ADAM12: variants seen among roughly 807,000 people sequenced by gnomAD.
The protein encoded by ADAM12 is disintegrin and metalloproteinase domain-containing protein 12.
Under a neutral mutation model 106.4 loss-of-function variants are expected in ADAM12, and 70 were observed. The observed-to-expected ratio is 0.66, with a 90% CI of 0.54 to 0.80. The LOEUF (loss-of-function observed/expected upper bound fraction) is 0.80, where lower values mean the gene tolerates loss of function less well. Among genes scored for constraint, ADAM12 ranks in the 30% least tolerant of loss-of-function variants. ADAM12 has a pLI of 0.00. For missense variants in ADAM12, 1,010 were observed against 1,171.9 expected (o/e 0.86, Z 2.02); for synonymous variants, 420 against 433.5 (o/e 0.97, Z 0.39).
intron 1 of ADAM12, among the ~76,000 whole-genome samples, chr10:126,356,831 G>T (rs1475288186): frequency 1.3e-5 from 2 of 152,042 alleles, no homozygotes; most frequent in Non-Finnish European, 2.9e-5. Flanking sequence ...GAATACAATG[G>T]CTAAACTTTA....
chr10:126,371,063 T>C (rs187652158), intron 1 of ADAM12, among the ~76,000 whole-genome samples: 2 of 152,356 alleles, frequency 1.3e-5, no homozygotes, highest in East Asian at 3.9e-4. Flanking sequence ...GTGCAGTAAT[T>C]CATGTGCATA....
intron 4 of ADAM12, among the ~76,000 whole-genome samples, chr10:126,143,614 GGGGTGCGT>G (rs1028280630): frequency 2.1e-5 from 2 of 94,808 alleles, no homozygotes; most frequent in African/African-American, 6.2e-5. Flanking sequence ...TATGTATATG[GGGGTGCGT>G]GGGTGTGTGT....
intron 3 of ADAM12, among the ~76,000 whole-genome samples, chr10:126,265,799 A>T (rs1959086015): frequency 6.6e-6 from 1 of 152,208 alleles, no homozygotes; most frequent in East Asian, 1.9e-4. Flanking sequence ...TAGGGAACCT[A>T]TATATTAAAA....
intron 12 of ADAM12, among the ~76,000 whole-genome samples, chr10:126,071,192 T>A (rs116818476): frequency 1.4e-5 from 2 of 145,046 alleles, no homozygotes; most frequent in African/African-American, 5.0e-5. Flanking sequence ...AACTCAAAGC[T>A]AAACACTTTT....
At chr10:126,203,342 G>A (rs1395394170) in intron 3 of ADAM12, among the ~76,000 whole-genome samples, 1 of 152,180 alleles carries the variant, frequency 6.6e-6, no homozygotes, top group African/African-American at 2.4e-5. Context: ...TGAAGGAGAA[G>A]AAATAGCTTG....
chr10:126,035,774 A>G (rs547785037), intron 21 of ADAM12, among the ~76,000 whole-genome samples: 1 of 152,340 alleles, frequency 6.6e-6, no homozygotes, highest in African/African-American at 2.4e-5. Flanking sequence ...ATGAGAGAGT[A>G]TAACTGATGC....
chr10:126,143,028 G>GTA (rs988332416), intron 4 of ADAM12, among the ~76,000 whole-genome samples: 17 of 137,344 alleles, frequency 1.2e-4, no homozygotes, highest in African/African-American at 3.4e-4. Context: ...ATATGCATTT[G>GTA]TATATATATG....
intron 3 of ADAM12, among the ~76,000 whole-genome samples, chr10:126,165,618 T>G (rs187068781): frequency 6.6e-6 from 1 of 152,292 alleles, no homozygotes; most frequent in East Asian, 1.9e-4. Context: ...TAAACTTGAC[T>G]CTATTTAGCT....
At chr10:126,042,278 T>C (rs768839330) in intron 18 of ADAM12, 12 of 1,606,848 alleles carry the variant, frequency 7.5e-6, no homozygotes, top group Middle Eastern at 1.7e-4. Flanking sequence ...GCCCCTGAAT[T>C]GCCCAATAAG....
chr10:126,387,763 C>A (rs1012044787), intron 1 of ADAM12, among the ~76,000 whole-genome samples: 7 of 152,116 alleles, frequency 4.6e-5, no homozygotes, highest in Admixed American at 1.3e-4. Context: ...GATACAGAGA[C>A]ATCTGCAAAT....
intron 5 of ADAM12, among the ~76,000 whole-genome samples, chr10:126,132,480 C>G (rs1956323021): frequency 6.6e-6 from 1 of 151,602 alleles, no homozygotes; most frequent in Non-Finnish European, 1.5e-5. Flanking sequence ...TCTACAGGAG[C>G]TGCAAAGCTT....
At chr10:126,082,389 T>TTTTTTTTTG (rs1955243572) in intron 11 of ADAM12, among the ~76,000 whole-genome samples, 1 of 146,952 alleles carries the variant, frequency 6.8e-6, no homozygotes, top group Non-Finnish European at 1.5e-5. Context: ...TTTTTTTTTA[T>TTTTTTTTTG]GTGGAGTTTC....
intron 3 of ADAM12, among the ~76,000 whole-genome samples, chr10:126,178,291 T>C (rs1337987892): frequency 6.6e-6 from 1 of 152,064 alleles, no homozygotes; most frequent in Non-Finnish European, 1.5e-5. Flanking sequence ...GTTCTTCAAG[T>C]CACATTTTTT....
At chr10:126,238,640 C>A (rs1211354987) in intron 3 of ADAM12, among the ~76,000 whole-genome samples, 2 of 151,992 alleles carry the variant, frequency 1.3e-5, no homozygotes, top group Non-Finnish European at 1.5e-5. Flanking sequence ...AGTTGTATGT[C>A]AAAAAACATA....
At chr10:126,178,083 G>T (rs1430804359) in intron 3 of ADAM12, among the ~76,000 whole-genome samples, 1 of 152,114 alleles carries the variant, frequency 6.6e-6, no homozygotes, top group Non-Finnish European at 1.5e-5. Flanking sequence ...TTGTTGATGT[G>T]AAAATGGCTG....
chr10:126,339,871 T>TTC (rs1854860033), intron 1 of ADAM12, among the ~76,000 whole-genome samples: 2 of 137,058 alleles, frequency 1.5e-5, no homozygotes, highest in South Asian at 4.7e-4. Context: ...TTTTTTTTTT[T>TTC]TGAGACAGAG....
At chr10:126,099,404 C>G (rs73378615) in intron 9 of ADAM12, among the ~76,000 whole-genome samples, 3 of 150,938 alleles carry the variant, frequency 2.0e-5, no homozygotes, top group African/African-American at 7.3e-5. Context: ...CTCCCTCCCT[C>G]TCTATCCACC....
chr10:126,356,974 C>T lies in ADAM12; in HGVS notation c.89-26465G>A, dbSNP rs1436256840. Among the ~76,000 whole-genome samples, 4 of 152,154 alleles carry T rather than the reference C, an allele frequency of 2.6e-5. No homozygotes were observed. The East Asian group carries it at 7.7e-4, about 29-fold the overall frequency. ...GCCAATGGGAATTATGGAATACCAT[C>T]AAATGACCTAACTTTTGCATAATAC... On this transcript the variant is annotated intron_variant, in intron 1 of 22. Coordinates refer to ENST00000448723, the MANE Select transcript of ADAM12 (RefSeq NM_001288973.2).
At chr10:126,381,672 CT>C (rs1165389453) in intron 1 of ADAM12, among the ~76,000 whole-genome samples, 1 of 150,466 alleles carries the variant, frequency 6.6e-6, no homozygotes, top group African/African-American at 2.4e-5. Context: ...ATTTTTGTAT[CT>C]TTTTTTTTAG....
Sources: allele counts gnomAD v4.1 joint callset (sites outside exome capture counted in the v4.1 genomes callset), GRCh38; gene constraint gnomAD v4.1.1; transcripts MANE v1.5; gene names NCBI Gene and HGNC (gene_info 2026-07-23, HGNC 2026-07-21).